OTOGL: variants seen among roughly 807,000 people sequenced by gnomAD.
OTOGL encodes otogelin-like protein.
Under a neutral mutation model 318.5 loss-of-function variants are expected in OTOGL, and 285 were observed. That is an observed-to-expected ratio of 0.89 (90% CI 0.81 to 0.99). The LOEUF is 0.99. OTOGL is among the 50% of genes least tolerant of loss of function. OTOGL has a pLI of 0.00. For synonymous variants in OTOGL, 987 were observed against 936.5 expected (o/e 1.05, Z -0.99); for missense variants, 2,899 against 2,845.6 (o/e 1.02, Z -0.43).
intron 35 of OTOGL, among the ~76,000 whole-genome samples, chr12:80,325,161 GC>G (rs1045201022): frequency 3.0e-4 from 45 of 152,184 alleles, no homozygotes; most frequent in African/African-American, 1.1e-3. Context: ...GGCAAATGTT[GC>G]CAATAGGTAA....
chr12:80,351,661 G>T (rs1481457044), intron 44 of OTOGL, among the ~76,000 whole-genome samples: 1 of 152,098 alleles, frequency 6.6e-6, no homozygotes, highest in Non-Finnish European at 1.5e-5. Flanking sequence ...TTTGGCCTGT[G>T]TCAGAATTTG....
intron 1 of OTOGL, among the ~76,000 whole-genome samples, chr12:80,110,757 G>T (rs1869788168): frequency 6.6e-6 from 1 of 151,856 alleles, no homozygotes; most frequent in African/African-American, 2.4e-5. Flanking sequence ...TAATCCTTTG[G>T]GTATATCCCC....
intron 1 of OTOGL, among the ~76,000 whole-genome samples, chr12:80,106,009 T>C (rs919891497): frequency 6.6e-6 from 1 of 152,190 alleles, no homozygotes; most frequent in African/African-American, 2.4e-5. Flanking sequence ...AGACCAAATG[T>C]CATATGACAT....
At chr12:80,283,933 G>A (rs1172940482) in intron 26 of OTOGL, among the ~76,000 whole-genome samples, 13 of 151,760 alleles carry the variant, frequency 8.6e-5, no homozygotes, top group Admixed American at 2.6e-4. Context: ...ATAGGTATAC[G>A]TGTGCCATGG....
At chr12:80,354,803 T>G (rs1165718311) in intron 46 of OTOGL, among the ~76,000 whole-genome samples, 1 of 152,202 alleles carries the variant, frequency 6.6e-6, no homozygotes, top group African/African-American at 2.4e-5. Context: ...GCTGGGGATA[T>G]GGTTGATAAA....
chr12:80,276,189 G>C lies in OTOGL; in HGVS notation c.2682-1979G>C, dbSNP rs1301561580. Among the ~76,000 whole-genome samples the C allele has an allele frequency of 3.3e-5, 5 of 151,752 alleles. No homozygotes were observed. In the East Asian group the frequency reaches 9.7e-4, roughly 29 times the overall value. On this transcript the variant is annotated intron_variant, in intron 24 of 58. Coordinates refer to ENST00000547103, the MANE Select transcript of OTOGL (RefSeq NM_001378609.3). ...TAAGAATTGTGGTTCATTTTGGTGA[G>C]GTTTCCCTCACTTAAACAACTGAAC... is the stretch of plus-strand genomic sequence containing the variant.
chr12:80,251,001 T>G (rs972392886), intron 11 of OTOGL, among the ~76,000 whole-genome samples: 1 of 152,204 alleles, frequency 6.6e-6, no homozygotes, highest in Non-Finnish European at 1.5e-5. Context: ...AATAATTAGC[T>G]TTAGTAATTT....
At chr12:80,276,625 C>G (rs1322002730) in intron 24 of OTOGL, among the ~76,000 whole-genome samples, 1 of 151,438 alleles carries the variant, frequency 6.6e-6, no homozygotes, top group Non-Finnish European at 1.5e-5. Context: ...GAAAAATTTT[C>G]TAGGAAGAAG....
chr12:80,267,975 A>G (rs974146513), intron 22 of OTOGL, among the ~76,000 whole-genome samples: 1 of 152,064 alleles, frequency 6.6e-6, no homozygotes, highest in East Asian at 1.9e-4. Context: ...AGGCTCAAAA[A>G]AAAAAGCAAT....
At chr12:80,281,169 A>G (rs986195121) in intron 26 of OTOGL, among the ~76,000 whole-genome samples, 1 of 151,680 alleles carries the variant, frequency 6.6e-6, no homozygotes, top group East Asian at 1.9e-4. Flanking sequence ...TCCTCTTCCT[A>G]TTTGGATGCC....
chr12:80,236,958 G>C (rs1479942471), intron 9 of OTOGL, among the ~76,000 whole-genome samples: 3 of 151,618 alleles, frequency 2.0e-5, no homozygotes, highest in Admixed American at 6.6e-5. Flanking sequence ...GGGATTACAG[G>C]CGTGCACCAC....
intron 5 of OTOGL, among the ~76,000 whole-genome samples, chr12:80,218,147 A>G (rs994748310): frequency 6.6e-6 from 1 of 152,216 alleles, no homozygotes; most frequent in African/African-American, 2.4e-5. Context: ...AAGGCAATAC[A>G]TTTGTTTATC....
intron 1 of OTOGL, among the ~76,000 whole-genome samples, chr12:80,195,831 C>T (rs1876023026): frequency 6.6e-6 from 1 of 152,162 alleles, no homozygotes; most frequent in African/African-American, 2.4e-5. Flanking sequence ...AGTATTTATA[C>T]CATGGACATC....
chr12:80,244,417 C>T (rs1170186892), intron 11 of OTOGL, among the ~76,000 whole-genome samples: 7 of 147,110 alleles, frequency 4.8e-5, no homozygotes, highest in Non-Finnish European at 1.0e-4. Context: ...GAGAATATGC[C>T]GTGTTTGGTT....
intron 1 of OTOGL, among the ~76,000 whole-genome samples, chr12:80,167,591 A>T (rs1268710436): frequency 6.6e-6 from 1 of 152,106 alleles, no homozygotes; most frequent in Admixed American, 6.6e-5. Flanking sequence ...TAGAATTTTA[A>T]TTTTTTTCTT....
At position 80,271,699 on chromosome 12, in the gene OTOGL, C is replaced by T; in HGVS notation, c.2570C>T (p.Pro857Leu). 1 of 1,613,096 alleles carries T rather than the reference C, an allele frequency of 6.2e-7. No individual in the cohort carries two copies. Among genetic ancestry groups the T allele is most frequent in the Non-Finnish European group, 8.5e-7 (1 of 1,179,416 alleles). ...TATTTCGACTGCAGGTTTCCTGACC[C>T]TGAATTACCAGCTGGTGGTGTTAAT... ...KEYFDCRFPD[P>L]ELPAGGVNCE... Residue 857 changes from proline to leucine, a missense_variant, in exon 24 of 59, where the codon CCT becomes CTT. Around this residue, in one of 3 missense-constraint regions of OTOGL, gnomAD observed 2,607 missense variants for 2,524.9 expected, o/e 1.03. Transcript: ENST00000547103.
chr12:80,133,901 C>T (rs937092045), intron 1 of OTOGL, among the ~76,000 whole-genome samples: 4 of 152,002 alleles, frequency 2.6e-5, no homozygotes, highest in Non-Finnish European at 5.9e-5. Flanking sequence ...TGCCACTGCA[C>T]TCTGGCCTGG....
intron 1 of OTOGL, among the ~76,000 whole-genome samples, chr12:80,167,107 T>C (rs1873878439): frequency 6.6e-6 from 1 of 152,182 alleles, no homozygotes; most frequent in Non-Finnish European, 1.5e-5. Flanking sequence ...TTTTTTGGCA[T>C]CCCTTTAAAC....
In OTOGL at chr12:80,333,004, G is replaced by C. The variant is rs1333946623; in HGVS notation, c.4349-1G>C. The C allele has an allele frequency of 3.1e-6, 5 of 1,588,238 alleles. No homozygotes were observed. Among genetic ancestry groups the C allele is most frequent in the Non-Finnish European group, 4.3e-6 (5 of 1,164,504 alleles). ...GAGGATTACTTTTTCATTTCTGACA[G>C]TTTGGGAAATGATTACTCCATCAGA... is the stretch of plus-strand genomic sequence containing the variant. On this transcript the variant is annotated splice_acceptor_variant, in intron 37 of 58. Coordinates refer to ENST00000547103, the MANE Select transcript of OTOGL (RefSeq NM_001378609.3). LOFTEE classifies it high-confidence loss of function.
Sources: allele counts gnomAD v4.1 joint callset (sites outside exome capture counted in the v4.1 genomes callset), GRCh38; gene constraint gnomAD v4.1.1; regional missense constraint gnomAD v4.1.1; transcripts MANE v1.5; gene names NCBI Gene and HGNC (gene_info 2026-07-23, HGNC 2026-07-21).